Variants in TTN observed in about 807,000 individuals in gnomAD.
The protein encoded by TTN is titin, also known as connectin.
TTN carries 1,525 observed loss-of-function variants against 3,223.0 expected under a neutral mutation model. That is an observed-to-expected ratio of 0.47 (90% CI 0.45 to 0.49). The LOEUF (loss-of-function observed/expected upper bound fraction) is 0.49. TTN is among the 20% of genes least tolerant of loss of function. TTN has a pLI of 0.00. For synonymous variants in TTN, 14,094 were observed against 15,161.0 expected (o/e 0.93, Z 5.17); for missense variants, 40,786 against 43,424.0 (o/e 0.94, Z 5.40).
intron 47 of TTN, chr2:178,747,902 G>A: frequency 6.2e-7 from 1 of 1,613,120 alleles, no homozygotes; most frequent in Non-Finnish European, 8.5e-7. Context: ...CATCAAGAGT[G>A]GGAAGCACTG....
At chr2:178,754,339 C>T (rs1458244016) in intron 46 of TTN, among the ~76,000 whole-genome samples, 1 of 152,084 alleles carries the variant, frequency 6.6e-6, no homozygotes, top group African/African-American at 2.4e-5. Context: ...ACTCTTCAAA[C>T]ATCTAAAAAT....
chr2:178,689,833 T>C lies in TTN; in HGVS notation c.31826A>G (p.Lys10609Arg). ...EKIPVPVAKK[K>R]EAPPAKVPEV... ...TGTACCTTTAGCTGGGGGAGCTTCC[T>C]TTTTCTTTGCAACAGGAACGGGAAT... The change falls in exon 122 of 363, where the codon AAG becomes AGG. Residue 10609 changes from lysine (K) to arginine (R), a missense_variant. Transcript: ENST00000589042. The C allele has an allele frequency of 1.2e-6, 2 of 1,611,858 alleles. No homozygotes were observed. Among genetic ancestry groups the C allele is most frequent in the Non-Finnish European group, 1.7e-6 (2 of 1,179,150 alleles).
At position 178,793,553 on chromosome 2, in the gene TTN, A is replaced by G; in HGVS notation, c.1399-12T>C. ...GCTTCCTTTCTTACCTGCTTTTCATAGAGAAAGGAAGAAAACACCTTAATG... is the reference window on the plus strand; with the variant it reads ...GCTTCCTTTCTTACCTGCTTTTCATGGAGAAAGGAAGAAAACACCTTAATG... On this transcript the variant is annotated splice_polypyrimidine_tract_variant and intron_variant, in intron 8 of 362. Coordinates refer to ENST00000589042, the MANE Select transcript of TTN (RefSeq NM_001267550.2). The G allele has an allele frequency of 1.9e-6, 3 of 1,613,108 alleles. No individual in the cohort carries two copies. In the South Asian group the frequency reaches 3.3e-5, roughly 18 times the overall value.
chr2:178,770,040 G>C lies in TTN; in HGVS notation c.8641+20C>G. 2.5e-6 allele frequency: 4 copies of C among 1,614,148 alleles called. No homozygotes were observed. Among genetic ancestry groups the C allele is most frequent in the Non-Finnish European group, 3.4e-6 (4 of 1,180,002 alleles). ...GGGGTTCATTAAGGAAAGGGCTGTAGGGGGCTGCCTGATACTTACTCTCCA... is the reference window on the plus strand; with the variant it reads ...GGGGTTCATTAAGGAAAGGGCTGTACGGGGCTGCCTGATACTTACTCTCCA... On this transcript the variant is annotated intron_variant, in intron 36 of 362. Coordinates refer to ENST00000589042, the MANE Select transcript of TTN (RefSeq NM_001267550.2).
Position 178,583,115 on chromosome 2 carries a change from A to G in TTN, c.65688T>C (p.Ser21896=), listed in dbSNP as rs769007347. Residue 21896 remains serine, a synonymous_variant, in exon 313 of 363, where the codon TCT becomes TCC. Coordinates refer to ENST00000589042, the MANE Select transcript of TTN (RefSeq NM_001267550.2). ...TVFGKPMPTV[S]WKKDGTLLKP... ...TTAGCAGTGTGCCATCTTTTTTCCAAGAAACTGTTGGCATCGGTTTACCAA... is the reference window on the plus strand; with the variant it reads ...TTAGCAGTGTGCCATCTTTTTTCCAGGAAACTGTTGGCATCGGTTTACCAA... The G allele has an allele frequency of 6.2e-7, 1 of 1,611,906 alleles. No individual in the cohort carries two copies. Among genetic ancestry groups the G allele is most frequent in the Non-Finnish European group, 8.5e-7 (1 of 1,178,852 alleles).
At position 178,698,922 on chromosome 2, in the gene TTN, AAAAAAAAAAG is replaced by A. The variant is rs775388232; in HGVS notation, c.30683-18_30683-9del. 1.1e-4 allele frequency: 163 copies of A among 1,502,588 alleles called. No homozygotes were observed. The East Asian group carries it at 3.7e-3, about 34-fold the overall frequency. 93.1% of individuals were successfully genotyped at this position (1,502,588 alleles called of 1,614,324 possible). On this transcript the variant is annotated splice_polypyrimidine_tract_variant and intron_variant, in intron 111 of 362. Coordinates refer to ENST00000589042, the MANE Select transcript of TTN (RefSeq NM_001267550.2). ...TCACAGCCTTTTTGGTAACTAAAAAAAAAAAAAAAGAAAAAAAAAGAAAAAATATTTCTGG... is the reference window on the plus strand; with the variant it reads ...TCACAGCCTTTTTGGTAACTAAAAAAAAAAAAAAAGAAAAAATATTTCTGG...
chr2:178,712,247 C>G (rs1352349928), intron 95 of TTN, 25 bp from the exon 96 acceptor site: 1 of 1,610,446 alleles, frequency 6.2e-7, no homozygotes, highest in Non-Finnish European at 8.5e-7. Flanking sequence ...GATAATCAAT[C>G]AGTCATGAAG....
Position 178,570,039 on chromosome 2 carries a change from T to G in TTN, c.76093A>C (p.Arg25365=). The G allele has an allele frequency of 6.2e-7, 1 of 1,613,362 alleles. No individual in the cohort carries two copies. The highest frequency in any genetic ancestry group is 8.5e-7 in the Non-Finnish European group (1 of 1,179,584). The change falls in exon 326 of 363, where the codon AGA becomes CGA. Residue 25365 remains arginine (R), a synonymous_variant. Coordinates refer to ENST00000589042, the MANE Select transcript of TTN (RefSeq NM_001267550.2). ...TGATTTTCTATGAGTCCAGTTACTC[T>G]CAGGCGCAACTCTCCAATCAGACGC... The part of the protein sequence containing the change: ...HKRLIGELRL[R]VTGLIENHDY...
In TTN at chr2:178,602,479, A is replaced by C. The variant is rs369024446; in HGVS notation, c.54923T>G (p.Ile18308Ser). The C allele has an allele frequency of 1.2e-5, 19 of 1,611,826 alleles. No homozygotes were observed. Among genetic ancestry groups the C allele is most frequent in the Admixed American group, 1.7e-5 (1 of 59,800 alleles). Residue 18308 changes from isoleucine (I) to serine (S), a missense_variant, in exon 283 of 363, where the codon ATT becomes AGT. By Grantham distance (142) the Ile-to-Ser change is moderately radical. Transcript: ENST00000589042. ...AGTACCTTCTTCTTGCATTTCTACA[A>C]TGTATCCTTTGATTGGGCTGCCACC... ...KDGGSPIKGY[I>S]VEMQEEGTTD...
rs1404685014 is a variant in TTN at position 178,542,967 on chromosome 2, G to A, written c.96905-18C>T. 1 of 1,567,170 alleles carries A rather than the reference G, an allele frequency of 6.4e-7. No homozygotes were observed. The highest frequency in any genetic ancestry group is 1.2e-5 in the South Asian group (1 of 83,516). On this transcript the variant is annotated intron_variant, in intron 347 of 362. Transcript: ENST00000589042. ...TGGCAACACTATGGGAAAGAAATCA[G>A]GCATTTATTCTTAAGCATTATTTTT...
chr2:178,741,982 A>C (rs2082565172), intron 47 of TTN, 61 bp from the exon 48 acceptor site: 1 of 1,234,110 alleles, frequency 8.1e-7, no homozygotes, highest in South Asian at 2.7e-5. Flanking sequence ...AAAAATAGAA[A>C]TCAAAGAATT....
intron 43 of TTN, among the ~76,000 whole-genome samples, chr2:178,760,133 A>G (rs913486710): frequency 1.3e-5 from 2 of 152,208 alleles, no homozygotes; most frequent in East Asian, 3.8e-4. Context: ...ATACTTGTCT[A>G]TAAAAGTTAC....
In TTN at chr2:178,563,338, A is replaced by G. The variant is rs1235229140; in HGVS notation, c.82794T>C (p.Gly27598=). The G allele has an allele frequency of 1.9e-6, 3 of 1,613,638 alleles. No homozygotes were observed. The highest frequency in any genetic ancestry group is 1.7e-5 in the Admixed American group (1 of 59,986). ...SLAWSKPIYD[G]GAPVKGYVVE... is the part of the protein sequence containing the mutation. The stretch of plus-strand genomic sequence containing the variant: ...CAACATAGCCTTTAACAGGTGCGCC[A>G]CCATCATAAATTGGCTTACTCCATG... Residue 27598 remains glycine, a synonymous_variant, in exon 326 of 363, where the codon GGT becomes GGC. Coordinates refer to ENST00000589042, the MANE Select transcript of TTN (RefSeq NM_001267550.2). This position sits in a 1 kb window ranked among gnomAD's most constrained non-coding sequence, Gnocchi z 4.5.
In TTN at chr2:178,632,238, C is replaced by T. The variant is rs376851369; in HGVS notation, c.43656G>A (p.Ser14552=). The stretch of plus-strand genomic sequence containing the variant: ...CAATAGACAGGTCTTTGAATGTGAT[C>T]GAATGAGTTTTCCCTTCGTCTTGCA... ...VSMQDEGKTH[S]ITFKDLSIDD... is the part of the protein sequence containing the mutation. The change falls in exon 236 of 363, where the codon TCG becomes TCA. Residue 14552 remains serine (S), a synonymous_variant. Coordinates refer to ENST00000589042, the MANE Select transcript of TTN (RefSeq NM_001267550.2). 57 of 1,607,482 alleles carry T rather than the reference C, an allele frequency of 3.5e-5. No homozygotes were observed. Among genetic ancestry groups the T allele is most frequent in the African/African-American group, 5.3e-5 (4 of 74,798 alleles).
intron 350 of TTN, 192 bp downstream of exon 350, chr2:178,541,090 G>T: frequency 2.2e-6 from 1 of 448,308 alleles, no homozygotes; most frequent in Non-Finnish European, 3.7e-6. Context: ...AGCTGGGGTG[G>T]GGAAGGGACT....
In TTN at chr2:178,528,595, A is replaced by G; in HGVS notation, c.107156T>C (p.Val35719Ala). 1 of 1,613,142 alleles carries G rather than the reference A, an allele frequency of 6.2e-7. No homozygotes were observed. The highest frequency in any genetic ancestry group is 8.5e-7 in the Non-Finnish European group (1 of 1,179,462). Reference protein sequence around the residue: ...RSQNINEGQNVLFTCEISGEP... With the variant: ...RSQNINEGQNALFTCEISGEP... The stretch of plus-strand genomic sequence containing the variant: ...GCCACTGATTTCACAAGTAAAGAGA[A>G]CATTTTGTCCTTCATTAATATTTTG... Residue 35719 changes from valine to alanine, a missense_variant, in exon 360 of 363, where the codon GTT (valine) becomes GCT (alanine). Transcript: ENST00000589042.
chr2:178,776,445 G>T lies in TTN; in HGVS notation c.5419C>A (p.Pro1807Thr), dbSNP rs200563229. 38 of 1,608,876 alleles carry T rather than the reference G, an allele frequency of 2.4e-5. No individual in the cohort carries two copies. The highest frequency in any genetic ancestry group is 5.0e-5 in the Admixed American group (3 of 59,976). The change falls in exon 28 of 363, where the codon CCT (proline) becomes ACT (threonine). Residue 1807 changes from proline to threonine, a missense_variant. Transcript: ENST00000589042. ...EKSLVEESQL[P>T]EGRKGLQRIE... Reference sequence around the variant, plus strand: ...CTCTGTAAGCCTTTCCTCCCCTCAGGCAATTGGGATTCTTCCACAAGACTT... The same window carrying T: ...CTCTGTAAGCCTTTCCTCCCCTCAGTCAATTGGGATTCTTCCACAAGACTT...
Position 178,617,385 on chromosome 2 carries a change from T to C in TTN, c.47700A>G (p.Glu15900=), listed in dbSNP as rs749428085. 2.5e-6 allele frequency: 4 copies of C among 1,588,766 alleles called. No homozygotes were observed. The highest frequency in any genetic ancestry group is 3.4e-6 in the Non-Finnish European group (4 of 1,170,366). The change falls in exon 254 of 363, where the codon GAA becomes GAG. Residue 15900 remains glutamate, a synonymous_variant. Coordinates refer to ENST00000589042, the MANE Select transcript of TTN (RefSeq NM_001267550.2). ...PILGYIIERC[E]EGKDNWIRCN... is the part of the protein sequence containing the mutation. ...AACGAATCCAATTATCTTTTCCTTC[T>C]TCGCATCGCTCAATTATATAGCCTA...
intron 117 of TTN, 25 bp from the exon 118 acceptor site, chr2:178,694,033 G>A: frequency 6.4e-7 from 1 of 1,570,070 alleles, no homozygotes; most frequent in African/African-American, 1.3e-5. Context: ...TTTCACATTA[G>A]TATTCCTTTT....
Sources: allele counts gnomAD v4.1 joint callset (sites outside exome capture counted in the v4.1 genomes callset), GRCh38; gene constraint gnomAD v4.1.1; non-coding constraint Gnocchi (gnomAD v3.1); transcripts MANE v1.5; gene names NCBI Gene and HGNC (gene_info 2026-07-23, HGNC 2026-07-21).